Variants in FAM117B observed in about 807,000 individuals in gnomAD.
The protein encoded by FAM117B is family with sequence similarity 117 member B, also known as protein FAM117B.
FAM117B carries 22 observed loss-of-function variants against 52.8 expected under a neutral mutation model. That is an observed-to-expected ratio of 0.42 (90% CI 0.30 to 0.59). FAM117B has a LOEUF of 0.59. Ranked by LOEUF, FAM117B falls within the 20% of genes least tolerant of loss-of-function variation. The pLI, the probability that FAM117B is intolerant of heterozygous loss-of-function variation, is 0.22. For synonymous variants in FAM117B, 309 were observed against 324.1 expected (o/e 0.95, Z 0.50); for missense variants, 678 against 802.6 (o/e 0.84, Z 1.88).
intron 4 of FAM117B, among the ~76,000 whole-genome samples, chr2:202,726,668 G>T (rs1691250232): frequency 6.6e-6 from 1 of 152,074 alleles, no homozygotes; most frequent in South Asian, 2.1e-4. Context: ...TAAGCATTGG[G>T]TATGGAACAG....
chr2:202,647,759 G>A (rs73992631), intron 1 of FAM117B, among the ~76,000 whole-genome samples: 13,672 of 152,080 alleles, frequency 0.09, 2,068 homozygotes, highest in African/African-American at 0.31. Flanking sequence ...ACTTGTTTTT[G>A]CTCTTGCCTC....
At chr2:202,762,118 A>G (rs942784117) in intron 7 of FAM117B, among the ~76,000 whole-genome samples, 9 of 152,346 alleles carry the variant, frequency 5.9e-5, no homozygotes, top group South Asian at 4.1e-4. Context: ...GCACACCACA[A>G]TGAAAGCAAG....
intron 2 of FAM117B, among the ~76,000 whole-genome samples, chr2:202,700,752 T>A (rs1013404514): frequency 1.9e-4 from 29 of 151,136 alleles, no homozygotes; most frequent in Non-Finnish European, 4.3e-4. Context: ...AGTAATGCAG[T>A]CATAGCTCGG....
At chr2:202,668,075 A>G (rs11695498) in intron 1 of FAM117B, among the ~76,000 whole-genome samples, 39,822 of 143,376 alleles carry the variant, frequency 0.28, 5,910 homozygotes, top group East Asian at 0.54. Flanking sequence ...TTGTAAATAT[A>G]TATCATATAT....
At chr2:202,666,484 C>T (rs1466845495) in intron 1 of FAM117B, among the ~76,000 whole-genome samples, 1 of 151,582 alleles carries the variant, frequency 6.6e-6, no homozygotes, top group African/African-American at 2.4e-5. Flanking sequence ...CAGAGAAGTT[C>T]AGCCAGCCAC....
At chr2:202,666,819 G>A (rs1337733776) in intron 1 of FAM117B, among the ~76,000 whole-genome samples, 1 of 150,882 alleles carries the variant, frequency 6.6e-6, no homozygotes, top group African/African-American at 2.4e-5. Context: ...CTAATTTTTT[G>A]TAGTTTTAGT....
At chr2:202,762,002 G>C (rs1691897925) in intron 7 of FAM117B, among the ~76,000 whole-genome samples, 1 of 151,974 alleles carries the variant, frequency 6.6e-6, no homozygotes, top group Non-Finnish European at 1.5e-5. Flanking sequence ...GGATATCTAA[G>C]AAGTAATTTT....
chr2:202,740,173 C>CAAAAAAAAAAAAAAAAA lies in FAM117B; in HGVS notation c.960+13810_960+13811insAAAAAAAAAAAAAAAAA, dbSNP rs1358404767. Among the ~76,000 whole-genome samples, 3 of 69,672 alleles carry CAAAAAAAAAAAAAAAAA rather than the reference C, an allele frequency of 4.3e-5. 1 individual carries two copies. The highest frequency in any genetic ancestry group is 1.1e-4 in the African/African-American group (2 of 17,448). The allele number at this position is 69,672 out of a possible 152,430, so 45.7% of individuals were successfully genotyped here. A position where few individuals can be genotyped will look rare whatever the true frequency, so the allele number is the denominator to read the frequency against. On this transcript the variant is annotated intron_variant, in intron 4 of 7. Coordinates refer to ENST00000392238, the MANE Select transcript of FAM117B (RefSeq NM_173511.4). The stretch of plus-strand genomic sequence containing the variant: ...GGAGGACAGAGCGAGACTTCATCCC[C>CAAAAAAAAAAAAAAAAA]CAAAAAAAAAAAAAAAAAAAAAAAA...
intron 2 of FAM117B, among the ~76,000 whole-genome samples, chr2:202,716,147 G>T (rs1691052566): frequency 6.6e-6 from 1 of 152,108 alleles, no homozygotes; most frequent in African/African-American, 2.4e-5. Flanking sequence ...GACCTTCTTT[G>T]TCTCTTCTTA....
At position 202,635,728 on chromosome 2, in the gene FAM117B, C is replaced by A; in HGVS notation, c.541C>A (p.Pro181Thr). 6.9e-7 allele frequency: 1 copy of A among 1,455,814 alleles called. No individual in the cohort carries two copies. The highest frequency in any genetic ancestry group is 9.0e-7 in the Non-Finnish European group (1 of 1,107,122). 90.2% of individuals were successfully genotyped at this position (1,455,814 alleles called of 1,614,324 possible). A position where few individuals can be genotyped will look rare whatever the true frequency, so the allele number is the denominator to read the frequency against. The change falls in exon 1 of 8, where the codon CCG becomes ACG. Residue 181 changes from proline to threonine, a missense_variant. Pro to Thr is a conservative substitution (Grantham distance 38, BLOSUM62 -1). This residue lies in a region of FAM117B where 583 missense variants were observed against 644.8 expected (regional missense o/e 0.90). Transcript: ENST00000392238. ...CCGCGTCCGGCATCGGAGGAGGTCT[C>A]CGGAGCAGAGCCGAAGCTCGCCGGA... The part of the protein sequence containing the change: ...PARVRHRRRS[P>T]EQSRSSPEKR...
intron 1 of FAM117B, among the ~76,000 whole-genome samples, chr2:202,640,084 A>G (rs1294603585): frequency 6.6e-6 from 1 of 151,786 alleles, no homozygotes; most frequent in African/African-American, 2.4e-5. Flanking sequence ...AGCCTGCCCA[A>G]CATGGCGAAA....
chr2:202,766,255 G>A lies in FAM117B; in HGVS notation c.*491G>A, dbSNP rs1691979181. ...AGGATATTCAAAAGATTCTTTGGTG[G>A]CCTCTGTTTCTTGTTCCCTTTCTAG... On this transcript the variant is annotated 3_prime_UTR_variant, in exon 8 of 8. Coordinates refer to ENST00000392238, the MANE Select transcript of FAM117B (RefSeq NM_173511.4). 1 of 153,260 alleles carries A rather than the reference G, an allele frequency of 6.5e-6. No homozygotes were observed. Among genetic ancestry groups the A allele is most frequent in the South Asian group, 2.1e-4 (1 of 4,846 alleles). 9.5% of individuals were successfully genotyped at this position (153,260 alleles called of 1,614,324 possible). A position where few individuals can be genotyped will look rare whatever the true frequency, so the allele number is the denominator to read the frequency against.
chr2:202,637,212 A>G (rs1320031418), intron 1 of FAM117B, among the ~76,000 whole-genome samples: 2 of 151,860 alleles, frequency 1.3e-5, no homozygotes, highest in Non-Finnish European at 2.9e-5. Context: ...AGTGTTTTCT[A>G]ATTAGAACCA....
In FAM117B at chr2:202,731,332, AATATATATATATATAT is replaced by A. The variant is rs35255766; in HGVS notation, c.960+4990_960+5005del. 2.3e-3 allele frequency among the ~76,000 whole-genome samples: 71 copies of A among 30,770 alleles called. 7 individuals are homozygous for A. The highest frequency in any genetic ancestry group is 5.0e-3 in the Non-Finnish European group (48 of 9,602). 20.2% of individuals were successfully genotyped at this position (30,770 alleles called of 152,430 possible). A position where few individuals can be genotyped will look rare whatever the true frequency, so the allele number is the denominator to read the frequency against. ...TCAGGGGAGGATGTGGAGAAATTGG[AATATATATATATATAT>A]ATATATATATATATATATATGGAGA... On this transcript the variant is annotated intron_variant, in intron 4 of 7. Transcript: ENST00000392238.
intron 7 of FAM117B, among the ~76,000 whole-genome samples, chr2:202,763,070 CTTTT>C (rs11292183): frequency 4.7e-5 from 5 of 106,964 alleles, no homozygotes; most frequent in Non-Finnish European, 5.5e-5. Flanking sequence ...AGTCTTAAGT[CTTTT>C]TTTTTTTTTT....
chr2:202,705,311 A>T (rs564161005), intron 2 of FAM117B, among the ~76,000 whole-genome samples: 175 of 144,698 alleles, frequency 1.2e-3, no homozygotes, highest in Non-Finnish European at 2.0e-3. Flanking sequence ...CATCTCAAAG[A>T]AAAAAAAAAC....
chr2:202,698,714 C>T (rs754583429), intron 2 of FAM117B, among the ~76,000 whole-genome samples: 4 of 152,142 alleles, frequency 2.6e-5, no homozygotes, highest in South Asian at 2.1e-4. Flanking sequence ...TGAGCCACCG[C>T]GCCCAGCCTA....
intron 1 of FAM117B, among the ~76,000 whole-genome samples, chr2:202,638,401 T>A (rs13420328): frequency 0.079 from 11,982 of 152,048 alleles, 1,566 homozygotes; most frequent in African/African-American, 0.27. Flanking sequence ...GAATTAAGTA[T>A]TGGCAAGGTG....
At chr2:202,699,511 A>G (rs1690767101) in intron 2 of FAM117B, among the ~76,000 whole-genome samples, 1 of 151,474 alleles carries the variant, frequency 6.6e-6, no homozygotes, top group Admixed American at 6.6e-5. Context: ...CTTATTTGTA[A>G]AGCTCGTGTA....
Sources: allele counts gnomAD v4.1 joint callset (sites outside exome capture counted in the v4.1 genomes callset), GRCh38; gene constraint gnomAD v4.1.1; regional missense constraint gnomAD v4.1.1; transcripts MANE v1.5; gene names NCBI Gene and HGNC (gene_info 2026-07-23, HGNC 2026-07-21).